Variants in ZNF236 observed in about 807,000 individuals in gnomAD.
ZNF236 encodes the protein regulated by glucose.
A neutral mutation model predicts 191.2 loss-of-function variants in ZNF236; 50 were observed. The ratio of observed to expected loss-of-function variants is 0.26; its 90% CI spans 0.21 to 0.33. The LOEUF is 0.33. Ranked by LOEUF, ZNF236 falls within the 10% of genes least tolerant of loss-of-function variation. The pLI is 1.00. For missense variants in ZNF236, 1,754 were observed against 2,374.5 expected, an observed-to-expected ratio of 0.74 and a Z score of 5.43; for synonymous variants, 907 against 928.8, an observed-to-expected ratio of 0.98 and a Z score of 0.43.
chr18:76,962,923 A>G (rs139645513), intron 30 of ZNF236, among the ~76,000 whole-genome samples: 12 of 152,204 alleles, frequency 7.9e-5, no homozygotes, highest in South Asian at 4.1e-4. Flanking sequence ...CTTTACATCA[A>G]TTTTTTATCT....
intron 1 of ZNF236, among the ~76,000 whole-genome samples, chr18:76,838,704 T>C (rs1179262341): frequency 1.3e-5 from 2 of 152,242 alleles, no homozygotes; most frequent in African/African-American, 2.4e-5. Flanking sequence ...AAGAAAGTTA[T>C]GTATTATAGC....
chr18:76,871,919 C>A, intron 5 of ZNF236, 94 bp downstream of exon 5: 3 of 1,470,996 alleles, frequency 2.0e-6, no homozygotes, highest in Non-Finnish European at 9.4e-7. Context: ...CTGATCCCAG[C>A]TTTCTCATAG....
At position 76,968,228 on chromosome 18, in the gene ZNF236, G is replaced by A; in HGVS notation, c.5433G>A (p.Glu1811=). ...TCTGCATAACAGGAGCTCTGCAGGAGTCTGCAGGTCACCCGGAGCAGGACG... is the reference window on the plus strand; with the variant it reads ...TCTGCATAACAGGAGCTCTGCAGGAATCTGCAGGTCACCCGGAGCAGGACG... The part of the protein sequence containing the change: ...RAHSYAGALQ[E]SAGHPEQDGE... The change falls in exon 31 of 31, where the codon GAG becomes GAA. Residue 1811 remains glutamate (E), a synonymous_variant. Coordinates refer to ENST00000320610, the MANE Select transcript of ZNF236 (RefSeq NM_001306089.2). The A allele has an allele frequency of 2.5e-6, 4 of 1,613,956 alleles. No individual in the cohort carries two copies. Among genetic ancestry groups the A allele is most frequent in the Non-Finnish European group, 3.4e-6 (4 of 1,179,936 alleles).
chr18:76,909,936 ATC>A (rs1967171936), intron 14 of ZNF236, 130 bp from the exon 15 acceptor site: 2 of 622,676 alleles, frequency 3.2e-6, no homozygotes, highest in Non-Finnish European at 5.7e-6. Flanking sequence ...GTATTAAATT[ATC>A]TCCCTGTTTT....
At chr18:76,856,184 A>G (rs920553664) in intron 3 of ZNF236, among the ~76,000 whole-genome samples, 7 of 148,938 alleles carry the variant, frequency 4.7e-5, no homozygotes, top group African/African-American at 1.7e-4. Context: ...TGCCCAGCCC[A>G]TTTTCTTTTC....
chr18:76,920,922 C>T (rs1380826932), intron 20 of ZNF236, among the ~76,000 whole-genome samples: 2 of 152,204 alleles, frequency 1.3e-5, no homozygotes, highest in Admixed American at 6.5e-5. Flanking sequence ...TCAGCGTTCT[C>T]CTGAAGAATC....
chr18:76,842,126 T>A (rs1975523831), intron 1 of ZNF236, among the ~76,000 whole-genome samples: 1 of 152,210 alleles, frequency 6.6e-6, no homozygotes, highest in Non-Finnish European at 1.5e-5. Context: ...ATTATGTGAT[T>A]TTTACTAAGT....
intron 1 of ZNF236, among the ~76,000 whole-genome samples, chr18:76,826,148 A>C (rs1456900799): frequency 6.6e-6 from 1 of 151,394 alleles, no homozygotes; most frequent in Non-Finnish European, 1.5e-5. Context: ...TGGAGTCTCT[A>C]TTGCCCAGGC....
rs185106267 is a variant in ZNF236 at position 76,851,946 on chromosome 18, A to G, written c.363+7A>G. On this transcript the variant is annotated splice_region_variant and intron_variant, in intron 3 of 30. Transcript: ENST00000320610. ...GCTACATGAAAAGGAAGAGGTAATC[A>G]TCATCATTTTGCATATACTTTGTTA... The G allele has an allele frequency of 5.6e-6, 9 of 1,603,042 alleles. No individual in the cohort carries two copies. The highest frequency in any genetic ancestry group is 2.3e-5 in the South Asian group (2 of 88,642).
chr18:76,858,520 G>T (rs1976116305), intron 3 of ZNF236, among the ~76,000 whole-genome samples: 1 of 152,192 alleles, frequency 6.6e-6, no homozygotes, highest in African/African-American at 2.4e-5. Context: ...TCCATTTTCA[G>T]AGGTCCCTAT....
chr18:76,969,813 C>T lies in ZNF236; in HGVS notation c.*1474C>T, dbSNP rs1341734517. On this transcript the variant is annotated 3_prime_UTR_variant, in exon 31 of 31. Transcript: ENST00000320610. ...TTGATTTTTTTGTTGTTGTTGTTCA[C>T]TTTTGGCATATGTATATAAGTAATA... 6.6e-6 allele frequency: 1 copy of T among 152,450 alleles called. No homozygotes were observed. The highest frequency in any genetic ancestry group is 1.5e-5 in the Non-Finnish European group (1 of 68,002). The allele number at this position is 152,450 out of a possible 1,614,324, so 9.4% of individuals were successfully genotyped here.
At position 76,925,548 on chromosome 18, in the gene ZNF236, G is replaced by T. The variant is rs367705671; in HGVS notation, c.4021G>T (p.Val1341Leu). 2 of 1,612,178 alleles carry T rather than the reference G, an allele frequency of 1.2e-6. No homozygotes were observed. Among genetic ancestry groups the T allele is most frequent in the East Asian group, 2.2e-5 (1 of 44,884 alleles). ...LVGQAILPAS[V>L]SAGGDLTVSL... The stretch of plus-strand genomic sequence containing the variant: ...GGGCCAAGCTATTCTCCCTGCCTCT[G>T]TGTCAGGTAAACGCTGAGCCGAGGG... The change falls in exon 22 of 31, where the codon GTG (valine) becomes TTG (leucine). Residue 1341 changes from valine to leucine, a missense_variant. Physicochemically the swap from Val to Leu is conservative, Grantham distance 32. Coordinates refer to ENST00000320610, the MANE Select transcript of ZNF236 (RefSeq NM_001306089.2). This position sits in a 1 kb window ranked among gnomAD's most constrained non-coding sequence, Gnocchi z 5.7.
At chr18:76,922,259 A>G (rs897912109) in intron 20 of ZNF236, among the ~76,000 whole-genome samples, 1 of 152,042 alleles carries the variant, frequency 6.6e-6, no homozygotes, top group Non-Finnish European at 1.5e-5. Context: ...TGTGCCTCTG[A>G]TGGCTCAGTG....
chr18:76,871,456 G>C (rs919761680), intron 4 of ZNF236, among the ~76,000 whole-genome samples: 1 of 147,532 alleles, frequency 6.8e-6, no homozygotes, highest in African/African-American at 2.7e-5. Context: ...TGCTCCCCCT[G>C]TCCCAATTTC....
intron 9 of ZNF236, chr18:76,885,980 T>C (rs1292379122): frequency 1.3e-5 from 2 of 152,324 alleles, no homozygotes; most frequent in Non-Finnish European, 2.9e-5. Flanking sequence ...CAGTCTGTTA[T>C]AGATGCCTGC....
rs549244342 is a variant in ZNF236 at position 76,944,183 on chromosome 18, C to T, written c.4783-3338C>T. Among the ~76,000 whole-genome samples, 9 of 152,300 alleles carry T rather than the reference C, an allele frequency of 5.9e-5. No individual in the cohort carries two copies. The South Asian group carries it at 1.7e-3, about 28-fold the overall frequency. On this transcript the variant is annotated intron_variant, in intron 26 of 30. Coordinates refer to ENST00000320610, the MANE Select transcript of ZNF236 (RefSeq NM_001306089.2). ...TTACCCACCTTCCCTGTGACTCTGA[C>T]GCAGCTGCCCCAGCTGCCAGGGCCA...
chr18:76,859,657 A>C (rs1273766098), intron 3 of ZNF236, among the ~76,000 whole-genome samples: 1 of 152,192 alleles, frequency 6.6e-6, no homozygotes, highest in East Asian at 1.9e-4. Flanking sequence ...GATGTTATTG[A>C]AACTGAAGTA....
intron 13 of ZNF236, 55 bp from the exon 14 acceptor site, chr18:76,908,265 G>A: frequency 6.4e-7 from 1 of 1,555,766 alleles, no homozygotes; most frequent in Non-Finnish European, 8.7e-7. Flanking sequence ...AGTATCCCAG[G>A]CAAGTAACCT....
intron 3 of ZNF236, among the ~76,000 whole-genome samples, chr18:76,857,523 T>C (rs1976080535): frequency 6.6e-6 from 1 of 152,180 alleles, no homozygotes; most frequent in Admixed American, 6.5e-5. Context: ...CAGGTTACAT[T>C]ATCTGACACA....
Sources: allele counts gnomAD v4.1 joint callset (sites outside exome capture counted in the v4.1 genomes callset), GRCh38; gene constraint gnomAD v4.1.1; non-coding constraint Gnocchi (gnomAD v3.1); transcripts MANE v1.5; gene names NCBI Gene and HGNC (gene_info 2026-07-23, HGNC 2026-07-21).